SSH2: variants seen among roughly 807,000 people sequenced by gnomAD.
SSH2 encodes protein phosphatase Slingshot homolog 2.
A neutral mutation model predicts 135.2 loss-of-function variants in SSH2; 37 were observed. That is an observed-to-expected ratio of 0.27 (90% CI 0.21 to 0.36). The LOEUF is 0.36. Ranked by LOEUF, SSH2 falls within the 10% of genes least tolerant of loss-of-function variation. The pLI, the probability that SSH2 is intolerant of heterozygous loss-of-function variation, is 1.00. For synonymous variants in SSH2, 628 were observed against 646.2 expected, an observed-to-expected ratio of 0.97 and a Z score of 0.43; for missense variants, 1,408 against 1,765.3, an observed-to-expected ratio of 0.80 and a Z score of 3.63.
At chr17:29,822,356 AG>A (rs1298452290) in intron 2 of SSH2, among the ~76,000 whole-genome samples, 2 of 152,042 alleles carry the variant, frequency 1.3e-5, no homozygotes, top group East Asian at 3.9e-4. Context: ...CGTATGAGCC[AG>A]GGACCCTTTT....
chr17:29,883,183 T>C (rs2066171817), intron 1 of SSH2: 1 of 152,142 alleles, frequency 6.6e-6, no homozygotes, highest in Admixed American at 6.5e-5. Flanking sequence ...AATTCTGGTA[T>C]GGTAAAAGGC....
At chr17:29,733,778 T>C (rs895664609) in intron 3 of SSH2, among the ~76,000 whole-genome samples, 3 of 152,214 alleles carry the variant, frequency 2.0e-5, no homozygotes, top group Non-Finnish European at 4.4e-5. Flanking sequence ...TTCTTCTGTA[T>C]TAAAAACACT....
At chr17:29,638,075 A>C (rs2150974783) in intron 14 of SSH2, among the ~76,000 whole-genome samples, 1 of 152,112 alleles carries the variant, frequency 6.6e-6, no homozygotes, top group Middle Eastern at 3.4e-3. Flanking sequence ...GATTGCACCA[A>C]TGCACTCCAG....
chr17:29,739,797 T>C (rs1272156519), intron 3 of SSH2, among the ~76,000 whole-genome samples: 1 of 152,218 alleles, frequency 6.6e-6, no homozygotes, highest in Non-Finnish European at 1.5e-5. Context: ...TTGGTTTTTT[T>C]ATTTGATATC....
intron 14 of SSH2, among the ~76,000 whole-genome samples, chr17:29,638,251 C>A (rs1255382965): frequency 2.0e-5 from 3 of 148,242 alleles, no homozygotes; most frequent in African/African-American, 7.5e-5. Context: ...CTGTTAAAAG[C>A]TGTCAGGTCT....
chr17:29,804,573 A>C (rs568988044), intron 2 of SSH2, among the ~76,000 whole-genome samples: 8 of 152,330 alleles, frequency 5.3e-5, no homozygotes, highest in African/African-American at 1.9e-4. Flanking sequence ...TAATGTGTGC[A>C]ACCTAACTCA....
chr17:29,902,368 A>G (rs2066573508), intron 1 of SSH2, among the ~76,000 whole-genome samples: 1 of 152,164 alleles, frequency 6.6e-6, no homozygotes, highest in Admixed American at 6.5e-5. Flanking sequence ...TAGAATCCCC[A>G]TCACTATGGT....
At chr17:29,680,566 A>AC (rs2037933749) in intron 6 of SSH2, among the ~76,000 whole-genome samples, 1 of 147,404 alleles carries the variant, frequency 6.8e-6, no homozygotes, top group African/African-American at 2.5e-5. Flanking sequence ...AAAAAAAAAA[A>AC]AAAAAAAAAA....
chr17:29,695,330 T>G, intron 5 of SSH2, 129 bp downstream of exon 5: 1 of 615,298 alleles, frequency 1.6e-6, no homozygotes, highest in South Asian at 2.7e-5. Flanking sequence ...TTCACAACAC[T>G]CCACATTATC....
At position 29,684,589 on chromosome 17, in the gene SSH2, T is replaced by C. The variant is rs146637326; in HGVS notation, c.453A>G (p.Leu151=). 30 of 1,612,624 alleles carry C rather than the reference T, an allele frequency of 1.9e-5. No homozygotes were observed. In the African/African-American group the frequency reaches 2.3e-4, roughly 12 times the overall value. ...TGTCATTAGAGGAGAAATCCATTCC[T>C]AGGACGATGCTTTCTTCAGTGTCTT... ...GRQDTEESIV[L]GMDFSSNDSS... Residue 151 remains leucine, a synonymous_variant, in exon 6 of 16, where the codon CTA becomes CTG. Coordinates refer to ENST00000540801, the MANE Select transcript of SSH2 (RefSeq NM_001282129.2).
intron 8 of SSH2, chr17:29,673,887 T>C: frequency 3.0e-6 from 1 of 330,674 alleles, no homozygotes; most frequent in Non-Finnish European, 6.0e-6. Context: ...TTTAATGATA[T>C]AGATGTACCA....
intron 4 of SSH2, among the ~76,000 whole-genome samples, chr17:29,701,908 T>G (rs1212843006): frequency 7.2e-6 from 1 of 139,728 alleles, no homozygotes; most frequent in Non-Finnish European, 1.5e-5. Context: ...TTTTTTTTTT[T>G]GTAGAGATGG....
chr17:29,638,559 C>G (rs988410886), intron 14 of SSH2, among the ~76,000 whole-genome samples: 222 of 128,122 alleles, frequency 1.7e-3, no homozygotes, highest in African/African-American at 6.4e-3. Flanking sequence ...CACACACACA[C>G]ACAGAGACAG....
intron 1 of SSH2, among the ~76,000 whole-genome samples, chr17:29,923,517 G>T (rs575059730): frequency 5.9e-5 from 9 of 151,898 alleles, no homozygotes; most frequent in Middle Eastern, 3.4e-3. Flanking sequence ...TTTTTGGTGG[G>T]GCTGAGATGG....
At chr17:29,915,760 A>G (rs2066870002) in intron 1 of SSH2, among the ~76,000 whole-genome samples, 1 of 152,056 alleles carries the variant, frequency 6.6e-6, no homozygotes, top group Non-Finnish European at 1.5e-5. Flanking sequence ...CAACTAAAAC[A>G]AAGATTCTCT....
At chr17:29,768,798 T>C (rs1426767476) in intron 3 of SSH2, among the ~76,000 whole-genome samples, 1 of 152,056 alleles carries the variant, frequency 6.6e-6, no homozygotes, top group Non-Finnish European at 1.5e-5. Flanking sequence ...AAGACAGAGA[T>C]AGAAAAATGG....
chr17:29,694,018 G>T (rs78221406), intron 5 of SSH2, among the ~76,000 whole-genome samples: 1 of 152,138 alleles, frequency 6.6e-6, no homozygotes, highest in African/African-American at 2.4e-5. Flanking sequence ...TGTGCAACCC[G>T]TGGCCCAAGA....
rs1053926460 is a variant in SSH2, at chr17:29,626,525, T to A, written c.*4316A>T. On this transcript the variant is annotated 3_prime_UTR_variant, in exon 16 of 16. Coordinates refer to ENST00000540801, the MANE Select transcript of SSH2 (RefSeq NM_001282129.2). The stretch of plus-strand genomic sequence containing the variant: ...AATGCCTCTTAAGGGATCTTCAAGG[T>A]GATTAAGGATGATTCCAGTTTAGAA... The A allele has an allele frequency of 3.3e-5, 5 of 152,554 alleles. No individual in the cohort carries two copies. Among genetic ancestry groups the A allele is most frequent in the African/African-American group, 1.2e-4 (5 of 41,400 alleles). The allele number at this position is 152,554 out of a possible 1,614,324, so 9.5% of individuals were successfully genotyped here.
In SSH2 at chr17:29,856,543, C is replaced by T. The variant is rs559235044; in HGVS notation, c.64-7614G>A. On this transcript the variant is annotated intron_variant, in intron 1 of 15. Coordinates refer to ENST00000540801, the MANE Select transcript of SSH2 (RefSeq NM_001282129.2). The stretch of plus-strand genomic sequence containing the variant: ...TGAGCCGTGATCCCACCACTGCACT[C>T]CAGCTTGGGCAACAGAGTGAGACTC... 5.9e-5 allele frequency among the ~76,000 whole-genome samples: 9 copies of T among 152,266 alleles called. No homozygotes were observed. The South Asian group carries it at 1.9e-3, about 31-fold the overall frequency.
Sources: allele counts gnomAD v4.1 joint callset (sites outside exome capture counted in the v4.1 genomes callset), GRCh38; gene constraint gnomAD v4.1.1; transcripts MANE v1.5; gene names NCBI Gene and HGNC (gene_info 2026-07-23, HGNC 2026-07-21).